OSBP: variants seen among roughly 807,000 people sequenced by gnomAD.
The protein encoded by OSBP is oxysterol binding protein.
In OSBP, 32 loss-of-function variants were observed where a neutral mutation model predicts 96.6. The observed-to-expected ratio is 0.33, with a 90% confidence interval of 0.25 to 0.45. The LOEUF (loss-of-function observed/expected upper bound fraction) is 0.45, where lower values mean the gene tolerates loss of function less well. OSBP is among the 20% of genes least tolerant of loss of function. OSBP has a pLI of 1.00. For synonymous variants in OSBP, 369 were observed against 389.6 expected (o/e 0.95, Z 0.62); for missense variants, 653 against 1,029.7 (o/e 0.63, Z 5.01).
At chr11:59,605,250 C>T (rs1157286805) in intron 3 of OSBP, among the ~76,000 whole-genome samples, 3 of 152,150 alleles carry the variant, frequency 2.0e-5, no homozygotes, top group Non-Finnish European at 4.4e-5. Flanking sequence ...CCCTTTCTCT[C>T]CCCCACAATT....
At chr11:59,599,741 C>A (rs1375793038) in intron 7 of OSBP, among the ~76,000 whole-genome samples, 3 of 152,116 alleles carry the variant, frequency 2.0e-5, no homozygotes, top group African/African-American at 7.2e-5. Flanking sequence ...AGGGAACTGA[C>A]AAAAGTCTAG....
intron 9 of OSBP, among the ~76,000 whole-genome samples, chr11:59,592,897 G>A (rs1254100000): frequency 6.6e-6 from 1 of 151,696 alleles, no homozygotes; most frequent in African/African-American, 2.4e-5. Flanking sequence ...CCGGGTTCAA[G>A]CAATTCTTGT....
At position 59,601,685 on chromosome 11, in the gene OSBP, T is replaced by C. The variant is rs376924625; in HGVS notation, c.976A>G (p.Thr326Ala). 1 of 1,613,350 alleles carries C rather than the reference T, an allele frequency of 6.2e-7. No individual in the cohort carries two copies. Among genetic ancestry groups the C allele is most frequent in the Non-Finnish European group, 8.5e-7 (1 of 1,180,026 alleles). ...CCAGGAGTGTTTGCCGGCAGCACCG[T>C]GGCTCCTCGGAAGGCCCTCTCCAGG... ...NHLERAFRGA[T>A]VLPANTPGNV... is the part of the protein sequence containing the mutation. The change falls in exon 4 of 14, where the codon ACG becomes GCG. Residue 326 changes from threonine (T) to alanine (A), a missense_variant. Physicochemically the swap from Thr to Ala is moderately conservative, Grantham distance 58. Transcript: ENST00000263847.
At position 59,586,696 on chromosome 11, in the gene OSBP, T is replaced by C. The variant is rs559582102; in HGVS notation, c.1679-5142A>G. 2.2e-4 allele frequency among the ~76,000 whole-genome samples: 34 copies of C among 152,328 alleles called. No homozygotes were observed. In the South Asian group the frequency reaches 2.7e-3, roughly 12 times the overall value. ...TGGTACTAGAATAAAGACAGACATATAGGCCAGTGGAATAGAACAAAGAGC... is the reference window on the plus strand; with the variant it reads ...TGGTACTAGAATAAAGACAGACATACAGGCCAGTGGAATAGAACAAAGAGC... On this transcript the variant is annotated intron_variant, in intron 9 of 13. Coordinates refer to ENST00000263847, the MANE Select transcript of OSBP (RefSeq NM_002556.3).
intron 9 of OSBP, among the ~76,000 whole-genome samples, chr11:59,590,312 AG>A (rs1860561628): frequency 2.0e-5 from 3 of 152,278 alleles, no homozygotes; most frequent in African/African-American, 7.2e-5. Flanking sequence ...TGATGTCTTC[AG>A]TGTCCTTTTT....
intron 1 of OSBP, among the ~76,000 whole-genome samples, chr11:59,615,088 G>C (rs1004146652): frequency 1.3e-5 from 2 of 152,338 alleles, no homozygotes; most frequent in Non-Finnish European, 1.5e-5. Context: ...AAGGCACCAA[G>C]AGTGGGTAAC....
intron 12 of OSBP, among the ~76,000 whole-genome samples, chr11:59,577,524 A>G (rs1438812488): frequency 6.6e-6 from 1 of 151,328 alleles, no homozygotes; most frequent in Non-Finnish European, 1.5e-5. Flanking sequence ...AGACAGTCTC[A>G]CTCTGTCGCC....
chr11:59,603,606 G>T (rs1397340863), intron 3 of OSBP, among the ~76,000 whole-genome samples: 1 of 136,484 alleles, frequency 7.3e-6, no homozygotes, highest in Admixed American at 8.4e-5. Context: ...GCACAATCAT[G>T]GCTCACTGCA....
In OSBP at chr11:59,610,457, T is replaced by C; in HGVS notation, c.495A>G (p.Ser165=). 6.2e-7 allele frequency: 1 copy of C among 1,614,202 alleles called. No homozygotes were observed. The highest frequency in any genetic ancestry group is 2.2e-5 in the East Asian group (1 of 44,890). The part of the protein sequence containing the change: ...GAQTYHLKAS[S]EVERQRWVTA... ...TCACCCAGCGCTGCCGCTCAACTTC[T>C]GAACTAGCTTTCAGATGGTAGGTCT... The change falls in exon 2 of 14, where the codon TCA becomes TCG. Residue 165 remains serine (S), a synonymous_variant. Transcript: ENST00000263847.
At chr11:59,595,813 G>A (rs1262885692) in intron 7 of OSBP, among the ~76,000 whole-genome samples, 3 of 151,578 alleles carry the variant, frequency 2.0e-5, no homozygotes, top group African/African-American at 4.8e-5. Flanking sequence ...GTGTGGTGGC[G>A]TGCACCTGTA....
Position 59,585,728 on chromosome 11 carries a change from G to A in OSBP, c.1679-4174C>T, listed in dbSNP as rs548386940. Among the ~76,000 whole-genome samples the A allele has an allele frequency of 4.6e-5, 7 of 152,382 alleles. No individual in the cohort carries two copies. The East Asian group carries it at 7.7e-4, about 17-fold the overall frequency. On this transcript the variant is annotated intron_variant, in intron 9 of 13. Transcript: ENST00000263847. ...ATGGCGGTTTTGTGGAATGGAAAGCGGGGAAAGGTGGGGAAAAGACTGAGA... is the reference window on the plus strand; with the variant it reads ...ATGGCGGTTTTGTGGAATGGAAAGCAGGGAAAGGTGGGGAAAAGACTGAGA...
At chr11:59,592,426 A>C (rs1467294195) in intron 9 of OSBP, among the ~76,000 whole-genome samples, 1 of 152,236 alleles carries the variant, frequency 6.6e-6, no homozygotes, top group Non-Finnish European at 1.5e-5. Flanking sequence ...TCATTAAAGA[A>C]GCAGTCTATA....
intron 4 of OSBP, 78 bp downstream of exon 4, chr11:59,601,562 G>T: frequency 1.5e-6 from 2 of 1,352,448 alleles, no homozygotes; most frequent in Non-Finnish European, 2.1e-6. Context: ...ACTGTGAAGA[G>T]TTTGGAGTTC....
At chr11:59,594,330 A>G in intron 7 of OSBP, 75 bp from the exon 8 acceptor site, 2 of 1,468,938 alleles carry the variant, frequency 1.4e-6, no homozygotes, top group Non-Finnish European at 1.9e-6. Context: ...TTTGCAGTTT[A>G]GGAAATAAAT....
chr11:59,615,498 C>CCCG lies in OSBP; in HGVS notation c.164_166dup (p.Ala55dup), dbSNP rs1247220698. ...TCCCCCGGCCCCCGGGCCCGGGCCT[C>CCCG]CCGCCGCCGCCGCGACCACCGTCCC... On this transcript the variant is annotated inframe_insertion, in exon 1 of 14. Transcript: ENST00000263847. 1.1e-4 allele frequency: 133 copies of CCCG among 1,211,734 alleles called. No homozygotes were observed. The highest frequency in any genetic ancestry group is 1.4e-4 in the African/African-American group (9 of 62,316). 75.1% of individuals were successfully genotyped at this position (1,211,734 alleles called of 1,614,324 possible).
intron 3 of OSBP, among the ~76,000 whole-genome samples, chr11:59,604,355 T>C (rs1202137840): frequency 6.6e-6 from 1 of 152,060 alleles, no homozygotes; most frequent in Non-Finnish European, 1.5e-5. Flanking sequence ...AAGATCAGCC[T>C]GGACAACATA....
chr11:59,607,003 C>A (rs556529812), intron 3 of OSBP, among the ~76,000 whole-genome samples: 1 of 151,928 alleles, frequency 6.6e-6, no homozygotes, highest in South Asian at 2.1e-4. Flanking sequence ...AGAATTTCCC[C>A]AAGGAACAAA....
chr11:59,577,104 G>T, intron 12 of OSBP, 79 bp from the exon 13 acceptor site: 1 of 1,129,022 alleles, frequency 8.9e-7, no homozygotes, highest in Non-Finnish European at 1.3e-6. Context: ...TAAGTACACT[G>T]CCAAGGCCAC....
At chr11:59,577,815 G>A (rs1860377607) in intron 12 of OSBP, among the ~76,000 whole-genome samples, 1 of 152,182 alleles carries the variant, frequency 6.6e-6, no homozygotes, top group South Asian at 2.1e-4. Flanking sequence ...AGGCTAAATT[G>A]TTAACAGGTG....
Sources: gnomAD v4.1 joint callset for allele counts (sites outside exome capture counted in the v4.1 genomes callset) on GRCh38, gnomAD v4.1.1 for gene constraint, MANE v1.5 for transcripts, NCBI Gene and HGNC (gene_info 2026-07-23, HGNC 2026-07-21) for gene names.